Variants in RNF150 observed in about 807,000 individuals in gnomAD.
RNF150 encodes the protein ring finger protein 150.
RNF150 carries 24 observed loss-of-function variants against 39.3 expected under a neutral mutation model. The ratio of observed to expected loss-of-function variants is 0.61; its 90% confidence interval spans 0.44 to 0.86. The LOEUF (loss-of-function observed/expected upper bound fraction) is 0.86, where lower values mean the gene tolerates loss of function less well. RNF150 is among the 40% of genes least tolerant of loss of function. The probability of loss-of-function intolerance (pLI) is 0.00; values close to 1 mark genes in which losing one functional copy is unlikely to be tolerated. For synonymous variants in RNF150, 255 were observed against 227.3 expected (o/e 1.12, Z -1.10); for missense variants, 502 against 587.8 (o/e 0.85, Z 1.51).
chr4:140,873,802 A>G (rs1473490242), intron 6 of RNF150, among the ~76,000 whole-genome samples: 1 of 152,116 alleles, frequency 6.6e-6, no homozygotes, highest in East Asian at 1.9e-4. Flanking sequence ...CAGTCTCCCA[A>G]GTAGCTGGGA....
chr4:141,165,916 A>G (rs1403753397), intron 1 of RNF150, among the ~76,000 whole-genome samples: 1 of 152,200 alleles, frequency 6.6e-6, no homozygotes, highest in Non-Finnish European at 1.5e-5. Context: ...AAGAAATGCA[A>G]AAGCTAGCAG....
chr4:140,905,966 C>T (rs1730356347), intron 6 of RNF150, among the ~76,000 whole-genome samples: 1 of 152,084 alleles, frequency 6.6e-6, no homozygotes, highest in Non-Finnish European at 1.5e-5. Flanking sequence ...AAAATGGACT[C>T]CTGGGCACAC....
At chr4:141,111,001 C>T (rs1228691371) in intron 1 of RNF150, among the ~76,000 whole-genome samples, 4 of 152,028 alleles carry the variant, frequency 2.6e-5, no homozygotes, top group Admixed American at 2.6e-4. Flanking sequence ...TGTTGAGAAC[C>T]CATCTAGGAG....
At chr4:140,947,058 AG>A (rs1389783917) in intron 4 of RNF150, among the ~76,000 whole-genome samples, 1 of 152,142 alleles carries the variant, frequency 6.6e-6, no homozygotes, top group African/African-American at 2.4e-5. Context: ...GAGAGGGAAT[AG>A]GGTTATATAA....
intron 4 of RNF150, among the ~76,000 whole-genome samples, chr4:140,939,340 T>A (rs543227234): frequency 7.9e-5 from 12 of 152,198 alleles, no homozygotes; most frequent in Non-Finnish European, 1.5e-4. Flanking sequence ...AGCCTTACAT[T>A]GCAAATTTTT....
chr4:141,161,180 T>C (rs1727505986), intron 1 of RNF150, among the ~76,000 whole-genome samples: 1 of 152,158 alleles, frequency 6.6e-6, no homozygotes, highest in East Asian at 1.9e-4. Context: ...TAGATGAAGA[T>C]GAGGAACTTA....
At chr4:140,931,146 T>C (rs1317606947) in intron 4 of RNF150, among the ~76,000 whole-genome samples, 1 of 152,156 alleles carries the variant, frequency 6.6e-6, no homozygotes, top group African/African-American at 2.4e-5. Flanking sequence ...TAAGTCCTGG[T>C]ACTCCTTAAT....
intron 1 of RNF150, among the ~76,000 whole-genome samples, chr4:141,107,024 T>C (rs148833807): frequency 3.9e-5 from 6 of 152,210 alleles, no homozygotes; most frequent in Non-Finnish European, 5.9e-5. Flanking sequence ...AAGGTTAAGA[T>C]TCTAAGGCCA....
intron 4 of RNF150, among the ~76,000 whole-genome samples, chr4:140,932,162 C>A (rs1173299899): frequency 1.3e-5 from 2 of 152,188 alleles, no homozygotes; most frequent in Admixed American, 6.5e-5. Flanking sequence ...CCCATACTCC[C>A]AGGCAACATG....
intron 1 of RNF150, among the ~76,000 whole-genome samples, chr4:141,103,996 A>G (rs1000288935): frequency 2.6e-5 from 4 of 152,218 alleles, no homozygotes; most frequent in African/African-American, 9.6e-5. Context: ...GAGTCAACCC[A>G]TATTTATTAA....
chr4:140,901,741 G>A (rs939227081), intron 6 of RNF150, among the ~76,000 whole-genome samples: 2 of 152,198 alleles, frequency 1.3e-5, no homozygotes, highest in African/African-American at 4.8e-5. Context: ...TCAAGAAATT[G>A]TATCAGAGAT....
chr4:141,064,636 TATAAAG>T (rs1035760324), intron 1 of RNF150, among the ~76,000 whole-genome samples: 3 of 151,826 alleles, frequency 2.0e-5, no homozygotes, highest in African/African-American at 7.3e-5. Flanking sequence ...AATTAAAAAA[TATAAAG>T]ATAATTATGT....
chr4:140,942,515 G>C (rs1454348096), intron 4 of RNF150, among the ~76,000 whole-genome samples: 1 of 152,206 alleles, frequency 6.6e-6, no homozygotes, highest in Non-Finnish European at 1.5e-5. Flanking sequence ...TTTAAGTCCA[G>C]GTGGCACTGA....
chr4:140,928,023 C>T (rs1335493214), intron 4 of RNF150, among the ~76,000 whole-genome samples: 2 of 151,906 alleles, frequency 1.3e-5, no homozygotes, highest in Non-Finnish European at 2.9e-5. Context: ...CTAATACATA[C>T]TACTTGGAAG....
intron 2 of RNF150, among the ~76,000 whole-genome samples, chr4:140,949,841 G>A (rs1005043583): frequency 3.3e-5 from 5 of 152,100 alleles, no homozygotes; most frequent in East Asian, 1.9e-4. Context: ...TAGGCATAAC[G>A]TTGGTTTAAA....
intron 1 of RNF150, among the ~76,000 whole-genome samples, chr4:141,210,843 G>C (rs1341650057): frequency 6.6e-6 from 1 of 152,108 alleles, no homozygotes; most frequent in East Asian, 1.9e-4. Flanking sequence ...TGGCAGCTAG[G>C]CATGCTCATG....
chr4:141,142,184 C>T (rs913277811), intron 1 of RNF150, among the ~76,000 whole-genome samples: 1 of 152,094 alleles, frequency 6.6e-6, no homozygotes, highest in African/African-American at 2.4e-5. Context: ...GAAAAGGAAG[C>T]CTTTAGAATC....
intron 2 of RNF150, among the ~76,000 whole-genome samples, chr4:140,964,698 T>C (rs1208811651): frequency 6.6e-6 from 1 of 152,054 alleles, no homozygotes; most frequent in African/African-American, 2.4e-5. Flanking sequence ...TTCCCCTAAA[T>C]TATCCTATAA....
intron 1 of RNF150, among the ~76,000 whole-genome samples, chr4:141,051,209 A>G (rs929971514): frequency 6.6e-6 from 1 of 152,050 alleles, no homozygotes. Context: ...TGCACACAGC[A>G]TGGCCCATGA....
Sources: gnomAD v4.1 joint callset for allele counts (sites outside exome capture counted in the v4.1 genomes callset) on GRCh38, gnomAD v4.1.1 for gene constraint, MANE v1.5 for transcripts, NCBI Gene and HGNC (gene_info 2026-07-23, HGNC 2026-07-21) for gene names.